ATE1: variants seen among roughly 807,000 people sequenced by gnomAD.
ATE1 encodes the protein arginyltransferase 1.
Under a neutral mutation model 70.5 loss-of-function variants are expected in ATE1, and 36 were observed. That is an observed-to-expected ratio of 0.51 (90% CI 0.39 to 0.67). The LOEUF (loss-of-function observed/expected upper bound fraction) is 0.67, where lower values mean the gene tolerates loss of function less well. ATE1 is among the 30% of genes least tolerant of loss of function. ATE1 has a pLI of 0.00. For missense variants in ATE1, 593 were observed against 629.5 expected (o/e 0.94, Z 0.62); for synonymous variants, 232 against 219.3 (o/e 1.06, Z -0.51).
At chr10:121,758,357 A>G in intron 11 of ATE1, among the ~76,000 whole-genome samples, 1 of 152,258 alleles carries the variant, frequency 6.6e-6, no homozygotes, top group East Asian at 1.9e-4. Context: ...GGGAGTCATA[A>G]GACTAATTTC....
intron 7 of ATE1, among the ~76,000 whole-genome samples, chr10:121,882,619 C>A (rs1950262254): frequency 6.6e-6 from 1 of 152,084 alleles, no homozygotes; most frequent in Non-Finnish European, 1.5e-5. Context: ...ACATTTTCAC[C>A]CTGGATGCTA....
At chr10:121,784,461 C>T (rs1050484621) in intron 11 of ATE1, among the ~76,000 whole-genome samples, 4 of 152,106 alleles carry the variant, frequency 2.6e-5, no homozygotes, top group Admixed American at 6.5e-5. Context: ...TAAAAGATCA[C>T]GCAAACTAGG....
At chr10:121,878,557 C>T (rs765963136) in intron 7 of ATE1, among the ~76,000 whole-genome samples, 2 of 150,736 alleles carry the variant, frequency 1.3e-5, no homozygotes, top group African/African-American at 2.4e-5. Flanking sequence ...CACACGACTG[C>T]GCTCCAGCCT....
At chr10:121,921,589 A>C (rs540955252) in intron 3 of ATE1, among the ~76,000 whole-genome samples, 1 of 152,184 alleles carries the variant, frequency 6.6e-6, no homozygotes, top group East Asian at 1.9e-4. Context: ...AATGAATGTC[A>C]TGAGAAGCCT....
At position 121,897,447 on chromosome 10, in the gene ATE1, C is replaced by T. The variant is rs75155806; in HGVS notation, c.942+2419G>A. On this transcript the variant is annotated intron_variant, in intron 7 of 11. Coordinates refer to ENST00000224652, the MANE Select transcript of ATE1 (RefSeq NM_001001976.3). ...TCCTTACTATCTGCAAATGCTATCA[C>T]CCACAGTGGCATGGATCAACAGGGA... 7.9e-3 allele frequency among the ~76,000 whole-genome samples: 1,197 copies of T among 152,236 alleles called. 18 individuals carry two copies. The highest frequency in any genetic ancestry group is 0.028 in the African/African-American group (1,156 of 41,546).
chr10:121,759,618 G>A (rs1944952253), intron 11 of ATE1, among the ~76,000 whole-genome samples: 1 of 151,924 alleles, frequency 6.6e-6, no homozygotes, highest in African/African-American at 2.4e-5. Context: ...CAGCTACTTG[G>A]GAGGCTGAGG....
At chr10:121,749,054 TCCC>T in intron 11 of ATE1, among the ~76,000 whole-genome samples, 1 of 152,310 alleles carries the variant, frequency 6.6e-6, no homozygotes, top group Middle Eastern at 3.4e-3. Context: ...TCTTTAGTTT[TCCC>T]ATGAACACAC....
chr10:121,794,473 G>A (rs1234463881), intron 10 of ATE1, among the ~76,000 whole-genome samples: 2 of 151,686 alleles, frequency 1.3e-5, no homozygotes, highest in South Asian at 2.1e-4. Context: ...GGGCATGGTG[G>A]TGCACACCTA....
At chr10:121,800,012 A>G (rs1946813099) in intron 10 of ATE1, among the ~76,000 whole-genome samples, 1 of 152,226 alleles carries the variant, frequency 6.6e-6, no homozygotes, top group African/African-American at 2.4e-5. Flanking sequence ...ACGATAGTAA[A>G]TCCAGAAATA....
chr10:121,841,636 G>A (rs1948632644), intron 8 of ATE1, among the ~76,000 whole-genome samples: 1 of 152,120 alleles, frequency 6.6e-6, no homozygotes, highest in Admixed American at 6.5e-5. Flanking sequence ...TAGAGTTGAG[G>A]ACCATTATTC....
At chr10:121,861,823 G>T (rs746332261) in intron 8 of ATE1, among the ~76,000 whole-genome samples, 1 of 151,444 alleles carries the variant, frequency 6.6e-6, no homozygotes, top group Non-Finnish European at 1.5e-5. Context: ...AAAACTAACT[G>T]AAGTACCGTA....
chr10:121,857,447 T>G (rs984105740), intron 8 of ATE1, among the ~76,000 whole-genome samples: 5 of 152,234 alleles, frequency 3.3e-5, no homozygotes, highest in African/African-American at 1.2e-4. Context: ...TTTTGTTCTT[T>G]ATTATGGCTG....
chr10:121,909,174 C>T (rs965253789), intron 5 of ATE1, among the ~76,000 whole-genome samples: 3 of 152,108 alleles, frequency 2.0e-5, no homozygotes, highest in Admixed American at 2.0e-4. Context: ...ATTTCTAGTA[C>T]AGACAGGTTT....
chr10:121,843,103 T>C (rs10732822), intron 8 of ATE1, among the ~76,000 whole-genome samples: 151,970 of 152,320 alleles, frequency 1, 75,810 homozygotes, highest in Middle Eastern at 1. Context: ...CAACAAAAAA[T>C]TGAAATAAGC....
intron 10 of ATE1, among the ~76,000 whole-genome samples, chr10:121,793,509 C>T (rs1363631026): frequency 1.3e-5 from 2 of 152,176 alleles, no homozygotes; most frequent in Non-Finnish European, 2.9e-5. Flanking sequence ...GTTGATTTCC[C>T]TCACATCCTT....
In ATE1 at chr10:121,915,606, G is replaced by C. The variant is rs373187114; in HGVS notation, c.234-1713C>G. Among the ~76,000 whole-genome samples, 5 of 152,114 alleles carry C rather than the reference G, an allele frequency of 3.3e-5. No individual in the cohort carries two copies. In the South Asian group the frequency reaches 6.2e-4, roughly 19 times the overall value. Reference sequence around the variant, plus strand: ...CAGAGGATAGAAAAGCTTCCTAAGAGAGGCCGGGCGCCGTGGCTCACACCT... The same window carrying C: ...CAGAGGATAGAAAAGCTTCCTAAGACAGGCCGGGCGCCGTGGCTCACACCT... On this transcript the variant is annotated intron_variant, in intron 3 of 11. Transcript: ENST00000224652.
intron 6 of ATE1, among the ~76,000 whole-genome samples, chr10:121,901,112 C>A (rs1950964327): frequency 6.6e-6 from 1 of 152,034 alleles, no homozygotes; most frequent in African/African-American, 2.4e-5. Flanking sequence ...TTAAAAATAT[C>A]AGAAATTAGC....
chr10:121,926,670 G>T, intron 1 of ATE1: 1 of 940,654 alleles, frequency 1.1e-6, no homozygotes, highest in Non-Finnish European at 1.3e-6. Context: ...AAATATTATA[G>T]CCAAAATACA....
intron 10 of ATE1, among the ~76,000 whole-genome samples, chr10:121,812,734 G>A (rs902396164): frequency 6.6e-6 from 1 of 151,984 alleles, no homozygotes; most frequent in Non-Finnish European, 1.5e-5. Flanking sequence ...AATTTCATTT[G>A]TAAATCAAGT....
Sources: allele counts gnomAD v4.1 joint callset (sites outside exome capture counted in the v4.1 genomes callset), GRCh38; gene constraint gnomAD v4.1.1; transcripts MANE v1.5; gene names NCBI Gene and HGNC (gene_info 2026-07-23, HGNC 2026-07-21).